Variants in FCSK observed in about 807,000 individuals in gnomAD.
The protein encoded by FCSK is fucose kinase.
FCSK carries 123 observed loss-of-function variants against 122.5 expected under a neutral mutation model. The observed-to-expected ratio is 1.00, with a 90% CI of 0.87 to 1.17. The LOEUF is 1.17. Ranked by LOEUF, FCSK falls within the 50% of genes most tolerant of loss-of-function variation. The pLI, the probability that FCSK is intolerant of heterozygous loss-of-function variation, is 0.00. For missense variants in FCSK, 1,366 were observed against 1,450.4 expected (o/e 0.94, Z 0.95); for synonymous variants, 620 against 625.5 (o/e 0.99, Z 0.13).
Position 70,478,465 on chromosome 16 carries a change from C to T in FCSK, c.2829+6C>T. 7.4e-6 allele frequency: 12 copies of T among 1,613,856 alleles called. No individual in the cohort carries two copies. The highest frequency in any genetic ancestry group is 9.3e-6 in the Non-Finnish European group (11 of 1,179,976). On this transcript the variant is annotated splice_donor_region_variant and intron_variant, in intron 21 of 23. Coordinates refer to ENST00000288078, the MANE Select transcript of FCSK (RefSeq NM_145059.3). ...TGGCTCGGAACCTGCTGCAGGTGAG[C>T]TCTGGCCCCAGCATGAGGGAGGCAG...
chr16:70,475,060 C>G (rs766910407), intron 18 of FCSK, 49 bp downstream of exon 18: 59 of 1,504,680 alleles, frequency 3.9e-5, no homozygotes, highest in Non-Finnish European at 5.2e-5. Flanking sequence ...GCTGGGGGCT[C>G]GGGGCAGAAG....
chr16:70,466,860 T>G, intron 5 of FCSK, 22 bp from the exon 6 acceptor site: 1 of 1,608,850 alleles, frequency 6.2e-7, no homozygotes. Flanking sequence ...ACCAGCTGTG[T>G]TCTGTCTCCT....
Position 70,459,656 on chromosome 16 carries a change from C to CTT in FCSK, c.-22-3495_-22-3494dup, listed in dbSNP as rs1333103356. Among the ~76,000 whole-genome samples, 115 of 130,008 alleles carry CTT rather than the reference C, an allele frequency of 8.8e-4. 2 individuals carry two copies. The highest frequency in any genetic ancestry group is 3.9e-3 in the Middle Eastern group (1 of 254). 85.3% of individuals were successfully genotyped at this position (130,008 alleles called of 152,430 possible). On this transcript the variant is annotated intron_variant, in intron 1 of 23. Coordinates refer to ENST00000288078, the MANE Select transcript of FCSK (RefSeq NM_145059.3). ...ATCTCTCTGTGCCTCATTTCTCCGT[C>CTT]TTTTTTTTTTTTTTTTTTTGTAGAG...
chr16:70,471,093 C>G, intron 12 of FCSK, 21 bp downstream of exon 12: 4 of 1,592,322 alleles, frequency 2.5e-6, no homozygotes, highest in Non-Finnish European at 3.4e-6. Flanking sequence ...AGCGTGTGGG[C>G]AGATTGGGGC....
At chr16:70,461,902 T>C (rs55729203) in intron 1 of FCSK, among the ~76,000 whole-genome samples, 2,402 of 152,282 alleles carry the variant, frequency 0.016, 53 homozygotes, top group African/African-American at 0.054. Flanking sequence ...AATCTTCTGT[T>C]CACACGAACC....
chr16:70,466,952 C>T lies in FCSK; in HGVS notation c.482C>T (p.Pro161Leu). The T allele has an allele frequency of 6.2e-7, 1 of 1,613,734 alleles. No homozygotes were observed. The highest frequency in any genetic ancestry group is 1.1e-5 in the South Asian group (1 of 91,086). Residue 161 changes from proline (P) to leucine (L), a missense_variant and splice_region_variant, in exon 6 of 24, where the codon CCT (proline) becomes CTT (leucine). Transcript: ENST00000288078. ...ATGCTGCTGTCTGTTCCTGCAAATC[C>T]TGGTGAGCCTGAGACTACCTGGGAC... Reference protein sequence around the residue: ...TDMLLSVPANPGISWDSFRGA... With the variant: ...TDMLLSVPANLGISWDSFRGA...
intron 18 of FCSK, 68 bp from the exon 19 acceptor site, chr16:70,475,282 C>G (rs1272522541): frequency 6.4e-7 from 1 of 1,573,618 alleles, no homozygotes; most frequent in Non-Finnish European, 8.6e-7. Context: ...CTGGGAAGTC[C>G]AGGGTGGGTG....
rs183398079 is a variant in FCSK, at chr16:70,458,667, C to G, written c.-23+4037C>G. 5.3e-5 allele frequency among the ~76,000 whole-genome samples: 8 copies of G among 151,930 alleles called. No individual in the cohort carries two copies. In the East Asian group the frequency reaches 7.8e-4, roughly 15 times the overall value. On this transcript the variant is annotated intron_variant, in intron 1 of 23. Transcript: ENST00000288078. ...TTTACCATGTTGGCGAGGCTGGTCT[C>G]GAACTCCTGACCTCAGGTAATCTTC...
intron 14 of FCSK, 120 bp downstream of exon 14, chr16:70,472,725 G>C (rs2048668096): frequency 1.1e-6 from 1 of 874,910 alleles, no homozygotes; most frequent in African/African-American, 1.7e-5. Context: ...CCAGGGGCCT[G>C]GGTGGTTTTG....
chr16:70,479,089 C>A, intron 22 of FCSK, 91 bp from the exon 23 acceptor site: 2 of 993,530 alleles, frequency 2.0e-6, no homozygotes, highest in Non-Finnish European at 3.0e-6. Context: ...ATGACACTGG[C>A]TCAGCAGCAC....
At chr16:70,459,656 C>CTTTTTTTT (rs1333103356) in intron 1 of FCSK, among the ~76,000 whole-genome samples, 1 of 130,012 alleles carries the variant, frequency 7.7e-6, no homozygotes, top group African/African-American at 3.2e-5. Flanking sequence ...ATTTCTCCGT[C>CTTTTTTTT]TTTTTTTTTT....
In FCSK at chr16:70,468,896, A is replaced by G. The variant is rs758106330; in HGVS notation, c.711A>G (p.Leu237=). ...FFSVETAERL[L]ATHVSPPLDA... ...CTGTGGAGACTGCCGAGCGCCTCCT[A>G]GCCACCCACGTGAGCCCGCCCCTGG... is the stretch of plus-strand genomic sequence containing the variant. The change falls in exon 9 of 24, where the codon CTA becomes CTG. Residue 237 remains leucine, a synonymous_variant. Coordinates refer to ENST00000288078, the MANE Select transcript of FCSK (RefSeq NM_145059.3). 6.2e-7 allele frequency: 1 copy of G among 1,613,928 alleles called. No homozygotes were observed. The highest frequency in any genetic ancestry group is 8.5e-7 in the Non-Finnish European group (1 of 1,179,958).
intron 1 of FCSK, among the ~76,000 whole-genome samples, chr16:70,459,215 C>A (rs1219147601): frequency 3.5e-4 from 50 of 140,916 alleles, no homozygotes; most frequent in African/African-American, 1.4e-3. Context: ...AGATTGAGAC[C>A]CTGTCTTTAA....
In FCSK at chr16:70,467,477, G is replaced by T; in HGVS notation, c.582+6G>T. The T allele has an allele frequency of 6.3e-7, 1 of 1,584,448 alleles. No homozygotes were observed. ...TCTACCTAACTGACCCCCAGGTAGT[G>T]CCCCTGGGGACAGTGGAGCCGGCTG... On this transcript the variant is annotated splice_donor_region_variant and intron_variant, in intron 7 of 23. Transcript: ENST00000288078.
chr16:70,466,278 G>A (rs764721303), intron 5 of FCSK, 21 bp downstream of exon 5: 22 of 1,613,224 alleles, frequency 1.4e-5, no homozygotes, highest in Middle Eastern at 1.6e-4. Flanking sequence ...GTGGTGGCCC[G>A]TGGTGCCTCG....
chr16:70,456,864 C>CA (rs1395930941), intron 1 of FCSK, among the ~76,000 whole-genome samples: 3 of 151,930 alleles, frequency 2.0e-5, no homozygotes, highest in Non-Finnish European at 4.4e-5. Flanking sequence ...ACTAAAAATA[C>CA]AAAAAATTAT....
At position 70,470,438 on chromosome 16, in the gene FCSK, C is replaced by G. The variant is rs776004301; in HGVS notation, c.1068+12C>G. The G allele has an allele frequency of 3.0e-5, 46 of 1,519,590 alleles. No homozygotes were observed. Among genetic ancestry groups the G allele is most frequent in the Non-Finnish European group, 4.1e-5 (45 of 1,097,826 alleles). 94.1% of individuals were successfully genotyped at this position (1,519,590 alleles called of 1,614,324 possible). A position where few individuals can be genotyped will look rare whatever the true frequency, so the allele number is the denominator to read the frequency against. ...ACTCCCAGGTGGAGGTGAGACCTCC[C>G]TGCCCCTCCGGTGCCTGCTGGTTGT... is the stretch of plus-strand genomic sequence containing the variant. On this transcript the variant is annotated intron_variant, in intron 11 of 23. Transcript: ENST00000288078.
chr16:70,479,647 G>C lies in FCSK; in HGVS notation c.3222G>C (p.Gly1074=). The change falls in exon 24 of 24, where the codon GGG becomes GGC. Residue 1074 remains glycine (G), a synonymous_variant. Coordinates refer to ENST00000288078, the MANE Select transcript of FCSK (RefSeq NM_145059.3). ...DTQGLSLKLL[G]TEASTCCPFP Reference sequence around the variant, plus strand: ...AGGGCCTGAGCCTGAAGCTGCTGGGGACCGAGGCCTCAACCTGTTGCCCTT... The same window carrying C: ...AGGGCCTGAGCCTGAAGCTGCTGGGCACCGAGGCCTCAACCTGTTGCCCTT... 6.2e-7 allele frequency: 1 copy of C among 1,614,090 alleles called. No individual in the cohort carries two copies. The highest frequency in any genetic ancestry group is 8.5e-7 in the Non-Finnish European group (1 of 1,179,980).
At position 70,474,923 on chromosome 16, in the gene FCSK, G is replaced by A. The variant is rs1462064515; in HGVS notation, c.2289G>A (p.Ala763=). 9.3e-6 allele frequency: 15 copies of A among 1,611,352 alleles called. No individual in the cohort carries two copies. The highest frequency in any genetic ancestry group is 2.2e-5 in the South Asian group (2 of 90,794). Residue 763 remains alanine, a synonymous_variant, in exon 18 of 24, where the codon GCG becomes GCA. Transcript: ENST00000288078. ...RRIPEPELWL[A]VGPRQDEMTV... ...TCCCGGAGCCTGAGCTGTGGCTGGC[G>A]GTGGGGCCTCGGCAGGATGAGATGA... is the stretch of plus-strand genomic sequence containing the variant.
Sources: gnomAD v4.1 joint callset for allele counts (sites outside exome capture counted in the v4.1 genomes callset) on GRCh38, gnomAD v4.1.1 for gene constraint, MANE v1.5 for transcripts, NCBI Gene and HGNC (gene_info 2026-07-23, HGNC 2026-07-21) for gene names.